Variants in MERTK observed in about 807,000 individuals in gnomAD.
MERTK encodes the protein MER proto-oncogene, tyrosine kinase.
In MERTK, 69 loss-of-function variants were observed where a neutral mutation model predicts 99.3. The observed-to-expected ratio is 0.70, with a 90% CI of 0.57 to 0.85. The LOEUF is 0.85. Among genes scored for constraint, MERTK ranks in the 40% least tolerant of loss-of-function variants. MERTK has a pLI of 0.00. For missense variants in MERTK, 1,125 were observed against 1,249.4 expected, an observed-to-expected ratio of 0.90 and a Z score of 1.50; for synonymous variants, 426 against 467.6, an observed-to-expected ratio of 0.91 and a Z score of 1.15.
intron 4 of MERTK, among the ~76,000 whole-genome samples, chr2:111,954,011 G>A (rs146396462): frequency 1.3e-5 from 2 of 152,102 alleles, no homozygotes; most frequent in Admixed American, 6.5e-5. Context: ...AATCTTTCTC[G>A]TTCTCATCCC....
chr2:112,003,059 A>G, intron 11 of MERTK, 33 bp from the exon 12 acceptor site: 3 of 987,618 alleles, frequency 3.0e-6, no homozygotes, highest in Non-Finnish European at 3.3e-6. Flanking sequence ...CACGCTGACA[A>G]TTTTTGTACA....
At chr2:111,930,477 AC>A (rs199688196) in intron 2 of MERTK, 5 of 150,316 alleles carry the variant, frequency 3.3e-5, no homozygotes, top group Admixed American at 6.7e-5. Context: ...AAAAAAAAAA[AC>A]CCCCAAAAAA....
intron 5 of MERTK, 147 bp downstream of exon 5, chr2:111,965,424 T>C: frequency 1.3e-6 from 1 of 773,130 alleles, no homozygotes; most frequent in East Asian, 2.7e-5. Flanking sequence ...CTTCTCCTCT[T>C]TGGTGTCAGG....
At chr2:111,906,603 G>A (rs1022071830) in intron 1 of MERTK, among the ~76,000 whole-genome samples, 1 of 152,210 alleles carries the variant, frequency 6.6e-6, no homozygotes, top group Non-Finnish European at 1.5e-5. Context: ...TGTGCCTGGA[G>A]GCCAGTTTTT....
At chr2:111,964,405 G>A (rs942778252) in intron 4 of MERTK, among the ~76,000 whole-genome samples, 10 of 151,646 alleles carry the variant, frequency 6.6e-5, no homozygotes, top group Non-Finnish European at 1.3e-4. Flanking sequence ...GTGTGCGCGC[G>A]CGCACGCGCA....
intron 7 of MERTK, among the ~76,000 whole-genome samples, chr2:111,977,796 A>G (rs1305919997): frequency 6.6e-6 from 1 of 151,960 alleles, no homozygotes; most frequent in Non-Finnish European, 1.5e-5. Flanking sequence ...TATGTCTTCA[A>G]TTTCACTCAT....
At chr2:111,915,447 A>C (rs1684333485) in intron 1 of MERTK, among the ~76,000 whole-genome samples, 1 of 151,768 alleles carries the variant, frequency 6.6e-6, no homozygotes, top group African/African-American at 2.4e-5. Flanking sequence ...TCTAAACTTA[A>C]ATGATGGATT....
intron 5 of MERTK, among the ~76,000 whole-genome samples, chr2:111,967,432 C>A (rs1347787854): frequency 6.6e-6 from 1 of 152,102 alleles, no homozygotes; most frequent in East Asian, 1.9e-4. Flanking sequence ...AAATTCAGCA[C>A]AAAGAAATAA....
At chr2:111,964,392 T>TGG (rs775633819) in intron 4 of MERTK, among the ~76,000 whole-genome samples, 1 of 137,030 alleles carries the variant, frequency 7.3e-6, no homozygotes, top group Admixed American at 7.3e-5. Context: ...TGTGTGTGTG[T>TGG]GTGTGTGCGC....
Position 111,975,605 on chromosome 2 carries a change from C to T in MERTK, c.1144+133C>T, listed in dbSNP as rs892414650. 3.4e-4 allele frequency: 320 copies of T among 948,012 alleles called. No homozygotes were observed. The highest frequency in any genetic ancestry group is 3.3e-4 in the East Asian group (13 of 39,448). The allele number at this position is 948,012 out of a possible 1,614,324, so 58.7% of individuals were successfully genotyped here. Reference sequence around the variant, plus strand: ...TCTCTGGAGGAGAAAATTATTGAGGCGACTGATGAAAATGGGAAAGATATT... The same window carrying T: ...TCTCTGGAGGAGAAAATTATTGAGGTGACTGATGAAAATGGGAAAGATATT... On this transcript the variant is annotated intron_variant, in intron 7 of 18. Transcript: ENST00000295408.
chr2:111,944,937 T>C, intron 2 of MERTK, 23 bp from the exon 3 acceptor site: 1 of 1,596,838 alleles, frequency 6.3e-7, no homozygotes, highest in South Asian at 1.1e-5. Flanking sequence ...ACTGTAAATA[T>C]CTTCATGTGT....
rs1479452583 is a variant in MERTK, at chr2:111,929,190, A to G, written c.132A>G (p.Gln44=). ...CGGGACCTTTTCCAGGGAGCCTGCA[A>G]ACTGACCACACACCGCTGTTATCCC... The part of the protein sequence containing the change: ...LFPGPFPGSL[Q]TDHTPLLSLP... Residue 44 remains glutamine (Q), a synonymous_variant, in exon 2 of 19, where the codon CAA becomes CAG. Coordinates refer to ENST00000295408, the MANE Select transcript of MERTK (RefSeq NM_006343.3). 1.2e-6 allele frequency: 2 copies of G among 1,614,062 alleles called. No homozygotes were observed. The highest frequency in any genetic ancestry group is 1.7e-6 in the Non-Finnish European group (2 of 1,180,036).
intron 7 of MERTK, among the ~76,000 whole-genome samples, chr2:111,978,118 GTT>G (rs56125890): frequency 7.7e-5 from 11 of 143,546 alleles, no homozygotes; most frequent in African/African-American, 2.6e-4. Flanking sequence ...CTAATTTTTG[GTT>G]TTTTTTTTTA....
chr2:111,975,692 T>C (rs372247187), intron 7 of MERTK, among the ~76,000 whole-genome samples: 33 of 152,212 alleles, frequency 2.2e-4, no homozygotes, highest in African/African-American at 7.2e-4. Flanking sequence ...AGGTAATCTT[T>C]TCTTTTACAT....
chr2:111,964,394 TGTGTGC>T (rs748010107), intron 4 of MERTK, among the ~76,000 whole-genome samples: 4,173 of 88,738 alleles, frequency 0.047, 86 homozygotes, highest in African/African-American at 0.078. Context: ...TGTGTGTGTG[TGTGTGC>T]GCGCGCGCAC....
At chr2:111,982,797 T>C (rs1676398436) in intron 7 of MERTK, 45 bp from the exon 8 acceptor site, 6 of 1,606,444 alleles carry the variant, frequency 3.7e-6, no homozygotes, top group Non-Finnish European at 5.1e-6. Context: ...TACATCTGTG[T>C]GTGCTTTGTG....
At chr2:111,961,374 G>T (rs1008963973) in intron 4 of MERTK, among the ~76,000 whole-genome samples, 2 of 151,702 alleles carry the variant, frequency 1.3e-5, no homozygotes, top group Admixed American at 1.3e-4. Context: ...TGTTATCCAG[G>T]ATGGCCTCAA....
rs1219656385 is a variant in MERTK, at chr2:111,929,595, T to TTTATTTATTTAC, written c.482+58_482+59insTTTATTTACTTA. 25 of 1,275,454 alleles carry TTTATTTATTTAC rather than the reference T, an allele frequency of 2.0e-5. 1 individual carries two copies. The highest frequency in any genetic ancestry group is 1.7e-4 in the African/African-American group (11 of 65,958). 79.0% of individuals were successfully genotyped at this position (1,275,454 alleles called of 1,614,324 possible). ...TTTAGTTTTAATATTTATTTATTTA[T>TTTATTTATTTAC]TTACTTATTGAGACAGAGTATCATT... On this transcript the variant is annotated intron_variant, in intron 2 of 18. Transcript: ENST00000295408.
chr2:111,968,056 G>A, intron 5 of MERTK, 81 bp from the exon 6 acceptor site: 1 of 977,692 alleles, frequency 1.0e-6, no homozygotes, highest in Non-Finnish European at 1.6e-6. Context: ...AGGTATTAAT[G>A]CATTTGTTTG....
Sources: allele counts gnomAD v4.1 joint callset (sites outside exome capture counted in the v4.1 genomes callset), GRCh38; gene constraint gnomAD v4.1.1; transcripts MANE v1.5; gene names NCBI Gene and HGNC (gene_info 2026-07-23, HGNC 2026-07-21).